The following LRRC4C variants were observed in gnomAD, a reference collection of about 807,000 sequenced individuals.
The protein encoded by LRRC4C is leucine rich repeat containing 4C.
Under a neutral mutation model 33.6 loss-of-function variants are expected in LRRC4C, and 5 were observed. The ratio of observed to expected loss-of-function variants is 0.15; its 90% confidence interval spans 0.08 to 0.31. The LOEUF (loss-of-function observed/expected upper bound fraction) is 0.31, where lower values mean the gene tolerates loss of function less well. Among genes scored for constraint, LRRC4C ranks in the 10% least tolerant of loss-of-function variants. LRRC4C has a pLI of 1.00. For missense variants in LRRC4C, 560 were observed against 796.7 expected (o/e 0.70, Z 3.58); for synonymous variants, 329 against 302.0 (o/e 1.09, Z -0.93).
At chr11:40,692,985 A>G (rs1945296404) in intron 2 of LRRC4C, among the ~76,000 whole-genome samples, 1 of 152,134 alleles carries the variant, frequency 6.6e-6, no homozygotes, top group African/African-American at 2.4e-5. Context: ...ATACAGAACT[A>G]TGAGATTAAT....
At chr11:41,178,041 ACAGGGCTCAGTATAAAATCTC>A (rs1338097208) in intron 1 of LRRC4C, among the ~76,000 whole-genome samples, 1 of 152,186 alleles carries the variant, frequency 6.6e-6, no homozygotes, top group Non-Finnish European at 1.5e-5. Flanking sequence ...TTAGTGCATG[ACAGGGCTCAGTATAAAATCTC>A]CAGTGTCTCC....
chr11:41,415,840 G>A (rs1404724301), intron 1 of LRRC4C, among the ~76,000 whole-genome samples: 1 of 152,074 alleles, frequency 6.6e-6, no homozygotes, highest in Admixed American at 6.6e-5. Flanking sequence ...CTAACTCTTG[G>A]ATCAGAGGAG....
chr11:40,724,712 AAACT>A (rs1340791525), intron 2 of LRRC4C, among the ~76,000 whole-genome samples: 1 of 137,030 alleles, frequency 7.3e-6, no homozygotes, highest in Non-Finnish European at 1.6e-5. Flanking sequence ...AGAGAAACAA[AAACT>A]AACAAGAAGT....
chr11:40,143,270 C>A (rs78681013), intron 5 of LRRC4C, among the ~76,000 whole-genome samples: 4,283 of 152,286 alleles, frequency 0.028, 69 homozygotes, highest in South Asian at 0.05. Context: ...AATTTCTCCA[C>A]ATAGTGGAGG....
intron 3 of LRRC4C, among the ~76,000 whole-genome samples, chr11:40,499,842 C>G (rs1954655495): frequency 6.6e-6 from 1 of 152,080 alleles, no homozygotes; most frequent in South Asian, 2.1e-4. Context: ...GCCTCTGATG[C>G]TTGTAAGAGT....
In LRRC4C at chr11:41,014,568, T is replaced by C. The variant is rs186318550; in HGVS notation, c.-495-80845A>G. 2.4e-4 allele frequency among the ~76,000 whole-genome samples: 36 copies of C among 151,950 alleles called. No individual in the cohort carries two copies. The East Asian group carries it at 5.4e-3, about 23-fold the overall frequency. The stretch of plus-strand genomic sequence containing the variant: ...ATGTTGTAGAAAACATAGTTGGTTA[T>C]AATGGAAGATAAACCTGGAGGCCCA... On this transcript the variant is annotated intron_variant, in intron 1 of 6. Coordinates refer to ENST00000528697, the MANE Select transcript of LRRC4C (RefSeq NM_001258419.2).
At chr11:41,376,309 G>T (rs978221649) in intron 1 of LRRC4C, among the ~76,000 whole-genome samples, 1 of 152,006 alleles carries the variant, frequency 6.6e-6, no homozygotes, top group African/African-American at 2.4e-5. Context: ...GGAACTTGCC[G>T]GTAGAAAAAA....
At chr11:40,868,534 C>T (rs985364901) in intron 2 of LRRC4C, among the ~76,000 whole-genome samples, 1 of 152,054 alleles carries the variant, frequency 6.6e-6, no homozygotes, top group Non-Finnish European at 1.5e-5. Flanking sequence ...ATCTCTAAAG[C>T]CCTGAACCCA....
At chr11:41,395,026 G>A (rs1473307469) in intron 1 of LRRC4C, among the ~76,000 whole-genome samples, 1 of 151,946 alleles carries the variant, frequency 6.6e-6, no homozygotes, top group Non-Finnish European at 1.5e-5. Context: ...AATGTCTGAA[G>A]GCAAGGGAGT....
At chr11:40,825,975 C>T (rs1033777394) in intron 2 of LRRC4C, among the ~76,000 whole-genome samples, 3 of 143,270 alleles carry the variant, frequency 2.1e-5, no homozygotes, top group Non-Finnish European at 4.5e-5. Flanking sequence ...TCAATGAGTA[C>T]AGGAGGATAA....
chr11:41,111,098 A>G (rs2135701475), intron 1 of LRRC4C, among the ~76,000 whole-genome samples: 1 of 152,214 alleles, frequency 6.6e-6, no homozygotes, highest in Non-Finnish European at 1.5e-5. Context: ...TAAGCCACTA[A>G]TAGATGAGAA....
At chr11:40,277,633 C>T (rs1032002978) in intron 4 of LRRC4C, among the ~76,000 whole-genome samples, 3 of 151,990 alleles carry the variant, frequency 2.0e-5, no homozygotes, top group African/African-American at 7.2e-5. Flanking sequence ...TAGTATAAAA[C>T]CACTGGCTTG....
chr11:40,336,743 A>G (rs978911108), intron 3 of LRRC4C, among the ~76,000 whole-genome samples: 2 of 152,000 alleles, frequency 1.3e-5, no homozygotes, highest in African/African-American at 4.8e-5. Flanking sequence ...TTGGGAGGCC[A>G]AGATGGGCAG....
At chr11:41,149,417 G>C (rs1943885633) in intron 1 of LRRC4C, among the ~76,000 whole-genome samples, 1 of 148,462 alleles carries the variant, frequency 6.7e-6, no homozygotes, top group Non-Finnish European at 1.5e-5. Context: ...TGAGGCAGGA[G>C]AATGGCGTGA....
chr11:40,253,003 G>A (rs1159618119), intron 4 of LRRC4C, among the ~76,000 whole-genome samples: 7 of 152,104 alleles, frequency 4.6e-5, no homozygotes, highest in South Asian at 2.1e-4. Context: ...TCTTAGAGAC[G>A]TCTGAGACAC....
At chr11:41,268,650 A>G (rs150443469) in intron 1 of LRRC4C, among the ~76,000 whole-genome samples, 41 of 152,246 alleles carry the variant, frequency 2.7e-4, no homozygotes, top group African/African-American at 9.4e-4. Context: ...ACCAGTAATA[A>G]AACAGTTTGG....
chr11:40,910,801 G>C lies in LRRC4C; in HGVS notation c.-407+22834C>G, dbSNP rs573472480. Among the ~76,000 whole-genome samples the C allele has an allele frequency of 9.2e-5, 14 of 152,286 alleles. 1 individual carries two copies. The East Asian group carries it at 2.5e-3, about 27-fold the overall frequency. On this transcript the variant is annotated intron_variant, in intron 2 of 6. Transcript: ENST00000528697. The stretch of plus-strand genomic sequence containing the variant: ...TCAGGGAATTCCCTTTCCTAGCCAA[G>C]GAAAGGGGTGACAGATGGCACCTGG...
chr11:41,135,574 C>A (rs1437825776), intron 1 of LRRC4C, among the ~76,000 whole-genome samples: 1 of 152,152 alleles, frequency 6.6e-6, no homozygotes, highest in Non-Finnish European at 1.5e-5. Context: ...TATTGATCCA[C>A]ATAGGCTACA....
At chr11:40,380,239 G>A (rs1273959429) in intron 3 of LRRC4C, among the ~76,000 whole-genome samples, 4 of 152,272 alleles carry the variant, frequency 2.6e-5, no homozygotes, top group Non-Finnish European at 4.4e-5. Context: ...TGGAGAGAAC[G>A]ATCATCTGAG....
Sources: gnomAD v4.1 joint callset for allele counts (sites outside exome capture counted in the v4.1 genomes callset) on GRCh38, gnomAD v4.1.1 for gene constraint, MANE v1.5 for transcripts, NCBI Gene and HGNC (gene_info 2026-07-23, HGNC 2026-07-21) for gene names.